The following LPP variants were observed in gnomAD, a reference collection of about 807,000 sequenced individuals.
LPP encodes LIM domain containing preferred translocation partner in lipoma.
LPP carries 38 observed loss-of-function variants against 60.4 expected under a neutral mutation model. The ratio of observed to expected loss-of-function variants is 0.63; its 90% confidence interval spans 0.49 to 0.83. The LOEUF (loss-of-function observed/expected upper bound fraction) is 0.83. Ranked by LOEUF, LPP falls within the 40% of genes least tolerant of loss-of-function variation. The probability of loss-of-function intolerance (pLI) is 0.00; values close to 1 mark genes in which losing one functional copy is unlikely to be tolerated. For synonymous variants in LPP, 328 were observed against 290.8 expected (o/e 1.13, Z -1.30); for missense variants, 902 against 783.6 (o/e 1.15, Z -1.80).
Position 188,155,909 on chromosome 3 carries a change from G to A in LPP, c.-190+1657G>A, listed in dbSNP as rs1310689920. The stretch of plus-strand genomic sequence containing the variant: ...GGGGAACTGTAGTCCCAGCTACTCG[G>A]GAGGCTGAGGCAGGAGAATCGCTTG... On this transcript the variant is annotated intron_variant, in intron 1 of 11. Coordinates refer to ENST00000617246, the MANE Select transcript of LPP (RefSeq NM_001375462.1). Among the ~76,000 whole-genome samples, 9 of 152,094 alleles carry A rather than the reference G, an allele frequency of 5.9e-5. 1 individual carries two copies. The highest frequency in any genetic ancestry group is 2.4e-5 in the African/African-American group (1 of 41,400).
At chr3:188,482,762 G>C in intron 4 of LPP, among the ~76,000 whole-genome samples, 1 of 152,146 alleles carries the variant, frequency 6.6e-6, no homozygotes, top group East Asian at 1.9e-4. Flanking sequence ...CCACAGATTT[G>C]TGCACCCAGA....
rs917936071 is a variant in LPP at position 188,879,178 on chromosome 3, C to G, written c.*4699C>G. ...TGAGGCTGTTGTTTGGTTAGCATAGCCTTATTTCAAACCTTAAAAAGTTAC... is the reference window on the plus strand; with the variant it reads ...TGAGGCTGTTGTTTGGTTAGCATAGGCTTATTTCAAACCTTAAAAAGTTAC... On this transcript the variant is annotated 3_prime_UTR_variant, in exon 12 of 12. Coordinates refer to ENST00000617246, the MANE Select transcript of LPP (RefSeq NM_001375462.1). 2 of 230,342 alleles carry G rather than the reference C, an allele frequency of 8.7e-6. No homozygotes were observed. Among genetic ancestry groups the G allele is most frequent in the African/African-American group, 2.2e-5 (1 of 45,214 alleles). 14.3% of individuals were successfully genotyped at this position (230,342 alleles called of 1,614,324 possible).
intron 1 of LPP, among the ~76,000 whole-genome samples, chr3:188,220,410 C>CATT (rs1324128672): frequency 6.6e-6 from 1 of 152,166 alleles, no homozygotes. Context: ...GCAGGGAGGG[C>CATT]ATTGCATCTT....
At chr3:188,653,224 T>C (rs932167705) in intron 7 of LPP, among the ~76,000 whole-genome samples, 1 of 152,180 alleles carries the variant, frequency 6.6e-6, no homozygotes, top group African/African-American at 2.4e-5. Flanking sequence ...TCTCCTAATC[T>C]CCCCAAGCAT....
At chr3:188,374,655 G>C (rs2151113580) in intron 3 of LPP, among the ~76,000 whole-genome samples, 1 of 152,274 alleles carries the variant, frequency 6.6e-6, no homozygotes, top group Admixed American at 6.5e-5. Flanking sequence ...TCTGCAAACA[G>C]GGCCAATTTG....
Position 188,887,480 on chromosome 3 carries a change from G to A in LPP, c.*13001G>A, listed in dbSNP as rs1314619800. The A allele has an allele frequency of 9.3e-6, 2 of 215,780 alleles. No individual in the cohort carries two copies. Among genetic ancestry groups the A allele is most frequent in the Non-Finnish European group, 1.9e-5 (2 of 107,144 alleles). 13.4% of individuals were successfully genotyped at this position (215,780 alleles called of 1,614,324 possible). On this transcript the variant is annotated 3_prime_UTR_variant, in exon 12 of 12. Coordinates refer to ENST00000617246, the MANE Select transcript of LPP (RefSeq NM_001375462.1). The stretch of plus-strand genomic sequence containing the variant: ...AGATTTTTATAATTTAAATGCCAAC[G>A]ACAGGAATGGCCTCATGTTTTAACT...
intron 9 of LPP, among the ~76,000 whole-genome samples, chr3:188,790,408 A>G (rs1375500607): frequency 3.3e-5 from 5 of 152,112 alleles, no homozygotes; most frequent in African/African-American, 1.2e-4. Context: ...ACATGCCTGT[A>G]TAAGTATTAC....
At chr3:188,664,227 GT>G (rs1560030584) in intron 7 of LPP, among the ~76,000 whole-genome samples, 2 of 152,136 alleles carry the variant, frequency 1.3e-5, no homozygotes, top group African/African-American at 4.8e-5. Context: ...TTTAATGAAA[GT>G]TTTAGTCTTT....
intron 7 of LPP, among the ~76,000 whole-genome samples, chr3:188,702,089 A>G (rs1428203429): frequency 6.6e-6 from 1 of 151,372 alleles, no homozygotes; most frequent in Non-Finnish European, 1.5e-5. Flanking sequence ...AGCTGGGACT[A>G]CAGACACCAG....
At chr3:188,387,901 G>T (rs916767081) in intron 3 of LPP, among the ~76,000 whole-genome samples, 8 of 140,938 alleles carry the variant, frequency 5.7e-5, no homozygotes, top group Non-Finnish European at 1.2e-4. Context: ...TCTATCTATT[G>T]ATGACTTGTT....
At chr3:188,418,515 C>T (rs1375094983) in intron 4 of LPP, among the ~76,000 whole-genome samples, 1 of 152,118 alleles carries the variant, frequency 6.6e-6, no homozygotes, top group Non-Finnish European at 1.5e-5. Context: ...ACCCTTGTCT[C>T]CTAAATCCAA....
chr3:188,262,019 C>G (rs1422780519), intron 2 of LPP, among the ~76,000 whole-genome samples: 2 of 152,186 alleles, frequency 1.3e-5, no homozygotes, highest in Non-Finnish European at 2.9e-5. Context: ...AAGTTAGAAA[C>G]TGTTGCCTAA....
intron 8 of LPP, among the ~76,000 whole-genome samples, chr3:188,719,604 C>T (rs188473031): frequency 2.6e-5 from 4 of 152,342 alleles, no homozygotes; most frequent in Admixed American, 2.0e-4. Flanking sequence ...ATGGGGCACA[C>T]ATTGTCTGTG....
At chr3:188,539,734 T>A (rs1006544961) in intron 6 of LPP, among the ~76,000 whole-genome samples, 8 of 152,180 alleles carry the variant, frequency 5.3e-5, no homozygotes, top group Non-Finnish European at 8.8e-5. Context: ...ATCTTGTACA[T>A]AATAAACAGT....
intron 8 of LPP, chr3:188,743,840 T>C (rs939546194): frequency 1.4e-4 from 22 of 152,126 alleles, no homozygotes; most frequent in African/African-American, 4.3e-4. Flanking sequence ...AGTTTTCCCA[T>C]CCTCATTTAC....
In LPP at chr3:188,703,671, T is replaced by C. The variant is rs907649982; in HGVS notation, c.1114-4596T>C. Among the ~76,000 whole-genome samples, 8 of 152,254 alleles carry C rather than the reference T, an allele frequency of 5.3e-5. No homozygotes were observed. The Middle Eastern group carries it at 0.01, about 194-fold the overall frequency. On this transcript the variant is annotated intron_variant, in intron 7 of 11. Coordinates refer to ENST00000617246, the MANE Select transcript of LPP (RefSeq NM_001375462.1). Reference sequence around the variant, plus strand: ...ACAGGAATCCATAATTAGCATTAGATAAAAGAGTAGAATCTAACAGAAAAT... The same window carrying C: ...ACAGGAATCCATAATTAGCATTAGACAAAAGAGTAGAATCTAACAGAAAAT...
At chr3:188,466,760 G>A (rs1339378323) in intron 4 of LPP, among the ~76,000 whole-genome samples, 1 of 130,472 alleles carries the variant, frequency 7.7e-6, no homozygotes, top group East Asian at 2.3e-4. Context: ...ATTTTTGTCT[G>A]AAGAGCTAAA....
chr3:188,664,650 A>G (rs1201136698), intron 7 of LPP, among the ~76,000 whole-genome samples: 1 of 151,888 alleles, frequency 6.6e-6, no homozygotes, highest in Non-Finnish European at 1.5e-5. Context: ...GAGAGAGAGA[A>G]GAGATACATG....
At chr3:188,191,426 G>C (rs1169887208) in intron 1 of LPP, among the ~76,000 whole-genome samples, 3 of 152,176 alleles carry the variant, frequency 2.0e-5, no homozygotes, top group African/African-American at 7.2e-5. Flanking sequence ...CTTCAGAAGA[G>C]TTTGGATTTG....
Sources: gnomAD v4.1 joint callset for allele counts (sites outside exome capture counted in the v4.1 genomes callset) on GRCh38, gnomAD v4.1.1 for gene constraint, MANE v1.5 for transcripts, NCBI Gene and HGNC (gene_info 2026-07-23, HGNC 2026-07-21) for gene names.